RGN: variants seen among roughly 807,000 people sequenced by gnomAD.
RGN encodes epididymis secretory protein Li 41.
RGN carries 19 observed loss-of-function variants against 20.6 expected under a neutral mutation model. The ratio of observed to expected loss-of-function variants is 0.92; its 90% CI spans 0.64 to 1.35. RGN has a LOEUF of 1.35. Ranked by LOEUF, RGN falls within the 40% of genes most tolerant of loss-of-function variation. The pLI, the probability that RGN is intolerant of heterozygous loss-of-function variation, is 0.00. For missense variants in RGN, 302 were observed against 232.7 expected (o/e 1.30, Z -1.94); for synonymous variants, 85 against 87.2 (o/e 0.97, Z 0.14).
At chrX:47,091,844 G>A (rs1556388023) in intron 6 of RGN, 35 bp downstream of exon 6, 3 of 1,191,308 alleles carry the variant, frequency 2.5e-6, no homozygotes, top group Non-Finnish European at 3.4e-6. Context: ...TCCTTGTCAT[G>A]GCTAGGCAGA....
chrX:47,089,679 A>T (rs993817145), intron 4 of RGN, 97 bp from the exon 5 acceptor site: 6 of 547,123 alleles, frequency 1.1e-5, no homozygotes, highest in Admixed American at 4.2e-5. Flanking sequence ...ATTTCCTTTG[A>T]TTTAATCACT....
At chrX:47,084,870 A>G (rs1930516477) in intron 4 of RGN, 4 of 279,855 alleles carry the variant, frequency 1.4e-5, no homozygotes, top group South Asian at 2.3e-4. Flanking sequence ...TGGAAGGATC[A>G]TCTGAGCCCA....
chrX:47,079,024 A>G (rs1312345723), intron 1 of RGN, among the ~76,000 whole-genome samples: 2 of 92,233 alleles, frequency 2.2e-5, no homozygotes, highest in African/African-American at 8.4e-5. Flanking sequence ...CCATGGCCCA[A>G]TCTCAGCTCA....
At position 47,092,929 on chromosome X, in the gene RGN, C is replaced by T. The variant is rs1295878933; in HGVS notation, c.882C>T (p.Pro294=). 1.2e-5 allele frequency: 15 copies of T among 1,204,725 alleles called. No individual in the cohort carries two copies. The highest frequency in any genetic ancestry group is 1.8e-5 in the African/African-American group (1 of 57,131). The part of the protein sequence containing the change: ...ITGLGVKGIA[P]YSYAG Reference sequence around the variant, plus strand: ...GTCTGGGGGTCAAAGGAATTGCTCCCTACTCCTATGCGGGATGAGGACAGG... The same window carrying T: ...GTCTGGGGGTCAAAGGAATTGCTCCTTACTCCTATGCGGGATGAGGACAGG... The change falls in exon 8 of 8, where the codon CCC becomes CCT. Residue 294 remains proline (P), a synonymous_variant. Transcript: ENST00000397180.
intron 3 of RGN, 128 bp downstream of exon 3, chrX:47,081,435 C>T (rs994323526): frequency 1.1e-5 from 6 of 538,634 alleles, no homozygotes; most frequent in South Asian, 7.3e-5. Context: ...ACTCCATATC[C>T]TCCCACTTTG....
At position 47,093,141 on chromosome X, in the gene RGN, G is replaced by A; in HGVS notation, c.*194G>A. 1 of 421,847 alleles carries A rather than the reference G, an allele frequency of 2.4e-6. No individual in the cohort carries two copies. Among genetic ancestry groups the A allele is most frequent in the East Asian group, 3.9e-5 (1 of 25,699 alleles). The allele number at this position is 421,847 out of a possible 1,213,427, so 34.8% of individuals were successfully genotyped here. On this transcript the variant is annotated 3_prime_UTR_variant, in exon 8 of 8. Coordinates refer to ENST00000397180, the MANE Select transcript of RGN (RefSeq NM_152869.4). ...GTGGTTTTGATAACACACTTATAAG[G>A]CTTTCTGTAAAAGGTACTATAGAAG...
rs1772854351 is a variant in RGN at position 47,092,192 on chromosome X, C to T, written c.826C>T (p.Pro276Ser). ...GGACCCCGAGGGTCTTTTGAGGCAACCTGAAGCTGGTGGAATTTTCAAGGT... is the reference window on the plus strand; with the variant it reads ...GGACCCCGAGGGTCTTTTGAGGCAATCTGAAGCTGGTGGAATTTTCAAGGT... ...GMDPEGLLRQ[P>S]EAGGIFKITG... The change falls in exon 7 of 8, where the codon CCT (proline) becomes TCT (serine). Residue 276 changes from proline (P) to serine (S), a missense_variant. Transcript: ENST00000397180. 1 of 1,179,832 alleles carries T rather than the reference C, an allele frequency of 8.5e-7. No homozygotes were observed. The highest frequency in any genetic ancestry group is 1.8e-5 in the African/African-American group (1 of 55,780).
Position 47,089,749 on chromosome X carries a change from G to T in RGN, c.347-27G>T, listed in dbSNP as rs782768854. The T allele has an allele frequency of 1.2e-5, 14 of 1,153,085 alleles. No individual in the cohort carries two copies. The Admixed American group carries it at 3.3e-4, about 27-fold the overall frequency. ...GCATGGGGTAAGATGCTATGGGGCA[G>T]AGCTCAGTGCTCTTTGGTTTTTGTA... On this transcript the variant is annotated intron_variant, in intron 4 of 7. Coordinates refer to ENST00000397180, the MANE Select transcript of RGN (RefSeq NM_152869.4).
chrX:47,091,223 G>A (rs782747625), intron 5 of RGN, among the ~76,000 whole-genome samples: 56 of 111,126 alleles, frequency 5.0e-4, no homozygotes, highest in African/African-American at 1.2e-3. Context: ...TGAATTTGGA[G>A]CACTCAGTCA....
chrX:47,084,850 G>T (rs1203759753), intron 4 of RGN: 3 of 309,809 alleles, frequency 9.7e-6, no homozygotes. Flanking sequence ...AGCTACTCAG[G>T]AGGCTGAGTT....
At chrX:47,082,409 C>T (rs1413757768) in intron 3 of RGN, among the ~76,000 whole-genome samples, 2 of 104,913 alleles carry the variant, frequency 1.9e-5, no homozygotes, top group African/African-American at 7.0e-5. Flanking sequence ...CTCCCAGGCT[C>T]AAGCGATCCT....
chrX:47,091,902 C>A, intron 6 of RGN, 93 bp downstream of exon 6: 1 of 1,051,910 alleles, frequency 9.5e-7, no homozygotes, highest in Non-Finnish European at 1.3e-6. Context: ...TGTAGAGGTG[C>A]GACTTTTTGC....
chrX:47,084,569 G>A lies in RGN; in HGVS notation c.315G>A (p.Gly105=), dbSNP rs1930501489. The change falls in exon 4 of 8, where the codon GGG becomes GGA. Residue 105 remains glycine, a synonymous_variant. Coordinates refer to ENST00000397180, the MANE Select transcript of RGN (RefSeq NM_152869.4). ...AGAAAAACAATCGCTTCAATGATGG[G>A]AAGGTGGATCCCGCCGGGAGGTACT... ...NDKKNNRFND[G]KVDPAGRYFA... The A allele has an allele frequency of 8.4e-7, 1 of 1,196,271 alleles. No individual in the cohort carries two copies.
chrX:47,080,191 C>T, intron 1 of RGN, 126 bp from the exon 2 acceptor site: 1 of 112,419 alleles, frequency 8.9e-6, no homozygotes, highest in Middle Eastern at 4.6e-3. Context: ...CAAATGCAGG[C>T]AGTGTGGATC....
chrX:47,079,422 T>C (rs1433528611), intron 1 of RGN, among the ~76,000 whole-genome samples: 10 of 108,157 alleles, frequency 9.2e-5, no homozygotes, highest in African/African-American at 3.4e-4. Flanking sequence ...TTTTGTTTTG[T>C]TTTTTTGTTT....
In RGN at chrX:47,090,058, G is replaced by A. The variant is rs190576853; in HGVS notation, c.562+67G>A. On this transcript the variant is annotated intron_variant, in intron 5 of 7. Coordinates refer to ENST00000397180, the MANE Select transcript of RGN (RefSeq NM_152869.4). ...TTTTCATATGTTTGTGACTAGTAAG[G>A]CGCCTCTCCCTCGCCTCATGTGAAG... 1,892 of 806,832 alleles carry A rather than the reference G, an allele frequency of 2.3e-3. 4 individuals are homozygous for A. Among genetic ancestry groups the A allele is most frequent in the Middle Eastern group, 3.2e-3 (10 of 3,123 alleles). 66.5% of individuals were successfully genotyped at this position (806,832 alleles called of 1,213,427 possible).
At chrX:47,081,545 A>AT (rs1242662716) in intron 3 of RGN, among the ~76,000 whole-genome samples, 1 of 93,732 alleles carries the variant, frequency 1.1e-5, no homozygotes, top group Non-Finnish European at 2.2e-5. Context: ...GTTTTTGTTT[A>AT]TTTTTTGTTT....
At chrX:47,085,109 T>A (rs1163875018) in intron 4 of RGN, 1 of 112,996 alleles carries the variant, frequency 8.8e-6, no homozygotes, top group Non-Finnish European at 1.9e-5. Context: ...TGCATTTCCA[T>A]CTCTAGCAGA....
At position 47,091,777 on chromosome X, in the gene RGN, G is replaced by A; in HGVS notation, c.662G>A (p.Gly221Glu). The A allele has an allele frequency of 8.3e-7, 1 of 1,210,702 alleles. No homozygotes were observed. The highest frequency in any genetic ancestry group is 1.8e-5 in the South Asian group (1 of 56,737). Residue 221 changes from glycine to glutamate, a missense_variant, in exon 6 of 8, where the codon GGA becomes GAA. Physicochemically the swap from Gly to Glu is moderately conservative, Grantham distance 98. Coordinates refer to ENST00000397180, the MANE Select transcript of RGN (RefSeq NM_152869.4). ...EGKLWVACYN[G>E]GRVIRLDPVT... ...AAGCTCTGGGTGGCCTGTTACAATGGAGGAAGAGTGATTCGTTTAGATCCT... is the reference window on the plus strand; with the variant it reads ...AAGCTCTGGGTGGCCTGTTACAATGAAGGAAGAGTGATTCGTTTAGATCCT...
Sources: allele counts gnomAD v4.1 joint callset (sites outside exome capture counted in the v4.1 genomes callset), GRCh38; gene constraint gnomAD v4.1.1; transcripts MANE v1.5; gene names NCBI Gene and HGNC (gene_info 2026-07-23, HGNC 2026-07-21).